GRIA4: variants seen among roughly 807,000 people sequenced by gnomAD.
The protein encoded by GRIA4 is glutamate ionotropic receptor AMPA type subunit 4.
GRIA4 carries 34 observed loss-of-function variants against 104.0 expected under a neutral mutation model. The observed-to-expected ratio is 0.33, with a 90% CI of 0.25 to 0.44. The LOEUF (loss-of-function observed/expected upper bound fraction) is 0.44. Ranked by LOEUF, GRIA4 falls within the 20% of genes least tolerant of loss-of-function variation. The pLI is 1.00. For synonymous variants in GRIA4, 386 were observed against 381.9 expected, an observed-to-expected ratio of 1.01 and a Z score of -0.13; for missense variants, 750 against 1,096.5, an observed-to-expected ratio of 0.68 and a Z score of 4.46.
At chr11:105,794,500 T>TATATATATATATATAC (rs1942387306) in intron 4 of GRIA4, among the ~76,000 whole-genome samples, 2 of 121,132 alleles carry the variant, frequency 1.7e-5, no homozygotes, top group Non-Finnish European at 3.4e-5. Context: ...TATATATATA[T>TATATATATATATATAC]ATATATATAT....
chr11:105,689,580 C>T (rs1953013229), intron 3 of GRIA4, among the ~76,000 whole-genome samples: 1 of 152,106 alleles, frequency 6.6e-6, no homozygotes, highest in African/African-American at 2.4e-5. Context: ...TTCTTGAGAA[C>T]ATTACACATT....
intron 4 of GRIA4, among the ~76,000 whole-genome samples, chr11:105,837,163 G>A (rs988767851): frequency 1.3e-5 from 2 of 152,042 alleles, no homozygotes; most frequent in African/African-American, 4.8e-5. Flanking sequence ...ACTATGACAA[G>A]AACAGCATGA....
intron 3 of GRIA4, among the ~76,000 whole-genome samples, chr11:105,677,654 C>A (rs1350842970): frequency 2.0e-5 from 3 of 151,986 alleles, no homozygotes; most frequent in African/African-American, 7.2e-5. Context: ...AACTCCTCAT[C>A]TTTCATACCT....
At chr11:105,885,663 T>A (rs1004445041) in intron 5 of GRIA4, among the ~76,000 whole-genome samples, 2 of 152,206 alleles carry the variant, frequency 1.3e-5, no homozygotes, top group Non-Finnish European at 2.9e-5. Flanking sequence ...GCTGAAAAAA[T>A]TCTGTCCCCT....
At chr11:105,816,117 C>T (rs1293797345) in intron 4 of GRIA4, among the ~76,000 whole-genome samples, 2 of 152,142 alleles carry the variant, frequency 1.3e-5, no homozygotes, top group Non-Finnish European at 2.9e-5. Flanking sequence ...GCCCACACGT[C>T]CTAGGTCTAT....
At chr11:105,801,187 A>G (rs1005335182) in intron 4 of GRIA4, among the ~76,000 whole-genome samples, 1 of 151,598 alleles carries the variant, frequency 6.6e-6, no homozygotes, top group African/African-American at 2.4e-5. Flanking sequence ...GAAAAAAGGA[A>G]GAAACTGTAT....
intron 3 of GRIA4, among the ~76,000 whole-genome samples, chr11:105,697,383 T>C (rs1393973760): frequency 6.6e-6 from 1 of 151,960 alleles, no homozygotes; most frequent in Non-Finnish European, 1.5e-5. Flanking sequence ...ATTCATTCAA[T>C]AAAAAGAGGT....
At chr11:105,735,779 T>C (rs1938898888) in intron 3 of GRIA4, among the ~76,000 whole-genome samples, 1 of 152,172 alleles carries the variant, frequency 6.6e-6, no homozygotes, top group Admixed American at 6.6e-5. Flanking sequence ...TAAAAAGCCA[T>C]AATCCGGGAA....
intron 5 of GRIA4, among the ~76,000 whole-genome samples, chr11:105,872,046 C>A (rs1303841846): frequency 3.9e-5 from 6 of 152,034 alleles, no homozygotes; most frequent in East Asian, 1.9e-4. Context: ...TGTCCTTAAA[C>A]AACCTTTTAA....
intron 9 of GRIA4, 136 bp from the exon 10 acceptor site, chr11:105,910,299 T>G (rs1024524032): frequency 8.2e-6 from 5 of 606,626 alleles, no homozygotes; most frequent in African/African-American, 7.4e-5. Flanking sequence ...GAACACTTTT[T>G]TTTTTTCTGT....
chr11:105,918,451 A>AG (rs760849168), intron 10 of GRIA4, among the ~76,000 whole-genome samples: 4 of 152,120 alleles, frequency 2.6e-5, no homozygotes, highest in Non-Finnish European at 4.4e-5. Context: ...CTCCCACCAC[A>AG]GTCATAGTGC....
intron 3 of GRIA4, among the ~76,000 whole-genome samples, chr11:105,725,700 C>T (rs1299097218): frequency 1.3e-5 from 2 of 152,058 alleles, no homozygotes; most frequent in Non-Finnish European, 2.9e-5. Context: ...GAAACCGGTT[C>T]ATCTCATTGG....
intron 11 of GRIA4, among the ~76,000 whole-genome samples, chr11:105,921,221 C>T (rs1311712408): frequency 6.6e-6 from 1 of 151,988 alleles, no homozygotes; most frequent in African/African-American, 2.4e-5. Flanking sequence ...CTTTTTGCTA[C>T]CATGCCTGTG....
intron 5 of GRIA4, among the ~76,000 whole-genome samples, chr11:105,878,592 T>A (rs1460716288): frequency 2.6e-5 from 4 of 152,254 alleles, no homozygotes; most frequent in Non-Finnish European, 5.9e-5. Flanking sequence ...CACTGCTGCC[T>A]TTCTTTCAGA....
chr11:105,787,020 T>G (rs753448631), intron 4 of GRIA4, among the ~76,000 whole-genome samples: 48 of 152,158 alleles, frequency 3.2e-4, no homozygotes, highest in Non-Finnish European at 6.9e-4. Context: ...AAGCACTCTT[T>G]CTTAGTGTAC....
intron 4 of GRIA4, among the ~76,000 whole-genome samples, chr11:105,837,983 A>G (rs1198223550): frequency 1.3e-5 from 2 of 152,130 alleles, no homozygotes; most frequent in Non-Finnish European, 2.9e-5. Flanking sequence ...AAGACACTTT[A>G]TTTAGATTGG....
chr11:105,922,252 A>G (rs1947585247), intron 11 of GRIA4, among the ~76,000 whole-genome samples: 1 of 152,190 alleles, frequency 6.6e-6, no homozygotes. Context: ...GTACAAGAAT[A>G]TCTAATTTCC....
chr11:105,847,493 T>C lies in GRIA4; in HGVS notation c.488-14531T>C, dbSNP rs566579571. Among the ~76,000 whole-genome samples, 128 of 152,318 alleles carry C rather than the reference T, an allele frequency of 8.4e-4. 1 individual carries two copies. The highest frequency in any genetic ancestry group is 1.5e-3 in the Non-Finnish European group (102 of 68,032). ...AAAAAACCTCTTTATCTCTAGCATT[T>C]GATACAAAGATAGCAGGTAATTCAA... On this transcript the variant is annotated intron_variant, in intron 4 of 16. Transcript: ENST00000282499.
chr11:105,853,691 C>T (rs1944902548), intron 4 of GRIA4, among the ~76,000 whole-genome samples: 1 of 152,058 alleles, frequency 6.6e-6, no homozygotes, highest in South Asian at 2.1e-4. Flanking sequence ...TGAAATATCT[C>T]CTGGCTCTTA....
Sources: allele counts gnomAD v4.1 joint callset (sites outside exome capture counted in the v4.1 genomes callset), GRCh38; gene constraint gnomAD v4.1.1; transcripts MANE v1.5; gene names NCBI Gene and HGNC (gene_info 2026-07-23, HGNC 2026-07-21).